The following ABCC3 variants were observed in gnomAD, a reference collection of about 807,000 sequenced individuals.
ABCC3 encodes the protein ATP binding cassette subfamily C member 3.
In ABCC3, 121 loss-of-function variants were observed where a neutral mutation model predicts 165.3. That is an observed-to-expected ratio of 0.73 (90% CI 0.63 to 0.85). The LOEUF is 0.85. Among genes scored for constraint, ABCC3 ranks in the 40% least tolerant of loss-of-function variants. ABCC3 has a pLI of 0.00. For missense variants in ABCC3, 1,869 were observed against 1,964.1 expected (o/e 0.95, Z 0.92); for synonymous variants, 733 against 810.1 (o/e 0.90, Z 1.62).
intron 23 of ABCC3, among the ~76,000 whole-genome samples, chr17:50,677,180 C>G (rs1438036374): frequency 6.6e-6 from 1 of 152,226 alleles, no homozygotes; most frequent in African/African-American, 2.4e-5. Context: ...CCATACCCGG[C>G]CTTCCTGTTG....
chr17:50,679,549 T>G, intron 25 of ABCC3: 1 of 367,248 alleles, frequency 2.7e-6, no homozygotes, highest in Non-Finnish European at 5.0e-6. Flanking sequence ...CTTATACATA[T>G]TAAAGTTGGA....
At chr17:50,653,305 C>A (rs1357405352) in intron 1 of ABCC3, among the ~76,000 whole-genome samples, 1 of 133,876 alleles carries the variant, frequency 7.5e-6, no homozygotes, top group South Asian at 2.3e-4. Flanking sequence ...GAGATCACGC[C>A]ATTACACTCC....
At chr17:50,658,310 G>GTTCCT in intron 5 of ABCC3, 103 bp downstream of exon 5, 1 of 1,590,108 alleles carries the variant, frequency 6.3e-7, no homozygotes, top group Non-Finnish European at 8.6e-7. Context: ...GTGGGAGAGA[G>GTTCCT]GTCATCCCCA....
chr17:50,655,422 C>CAAAAAAA, intron 1 of ABCC3, among the ~76,000 whole-genome samples: 1 of 113,920 alleles, frequency 8.8e-6, no homozygotes. Flanking sequence ...AAAAAAAAAA[C>CAAAAAAA]AAAAACAAAA....
At chr17:50,663,292 T>G in intron 8 of ABCC3, 1 of 222,134 alleles carries the variant, frequency 4.5e-6, no homozygotes, top group Non-Finnish European at 9.0e-6. Context: ...GCGGCAAGAG[T>G]CTTTGTGGTC....
intron 1 of ABCC3, among the ~76,000 whole-genome samples, chr17:50,654,293 C>G (rs1218981824): frequency 6.6e-6 from 1 of 152,150 alleles, no homozygotes; most frequent in African/African-American, 2.4e-5. Flanking sequence ...TAAAAAACAT[C>G]TAATGCTTTG....
intron 21 of ABCC3, 47 bp downstream of exon 21, chr17:50,675,822 C>A: frequency 1.3e-6 from 2 of 1,597,014 alleles, no homozygotes; most frequent in Non-Finnish European, 1.7e-6. Flanking sequence ...ACAGGCAGGC[C>A]CCAGCAGCCC....
chr17:50,655,958 C>T lies in ABCC3; in HGVS notation c.172C>T (p.His58Tyr). The change falls in exon 2 of 31, where the codon CAC becomes TAC. Residue 58 changes from histidine (H) to tyrosine (Y), a missense_variant. By Grantham distance (83) the His-to-Tyr change is moderately conservative. Coordinates refer to ENST00000285238, the MANE Select transcript of ABCC3 (RefSeq NM_003786.4). ...GCCCTGCTACTTGCTCTACCTGCGG[C>T]ACCATTGTCGTGGCTACATCATCCT... ...ALPCYLLYLR[H>Y]HCRGYIILSH... 6.2e-7 allele frequency: 1 copy of T among 1,614,178 alleles called. No homozygotes were observed. Among genetic ancestry groups the T allele is most frequent in the Non-Finnish European group, 8.5e-7 (1 of 1,180,028 alleles).
At chr17:50,689,726 C>A (rs546168614) in intron 30 of ABCC3, among the ~76,000 whole-genome samples, 5 of 152,126 alleles carry the variant, frequency 3.3e-5, no homozygotes, top group Non-Finnish European at 4.4e-5. Flanking sequence ...CCTCACCCCC[C>A]ACTCCCATTT....
At chr17:50,667,182 C>T (rs1967541871) in intron 11 of ABCC3, among the ~76,000 whole-genome samples, 1 of 152,100 alleles carries the variant, frequency 6.6e-6, no homozygotes, top group Non-Finnish European at 1.5e-5. Context: ...GATTGTACCA[C>T]TGCAGTCCAG....
Position 50,656,920 on chromosome 17 carries a change from G to C in ABCC3, c.348+93G>C. 5 of 1,549,464 alleles carry C rather than the reference G, an allele frequency of 3.2e-6. No individual in the cohort carries two copies. The South Asian group carries it at 6.3e-5, about 19-fold the overall frequency. ...ACTGTGGGCTCTGAGGAGAGGGCTG[G>C]ACATATTGGGAATGGGAAGAAGAAG... On this transcript the variant is annotated intron_variant, in intron 3 of 30. Coordinates refer to ENST00000285238, the MANE Select transcript of ABCC3 (RefSeq NM_003786.4).
rs145403824 is a variant in ABCC3, at chr17:50,657,570, T to C, written c.486+387T>C. Among the ~76,000 whole-genome samples, 923 of 152,312 alleles carry C rather than the reference T, an allele frequency of 6.1e-3. 10 individuals are homozygous for C. Among genetic ancestry groups the C allele is most frequent in the Non-Finnish European group, 0.01 (696 of 68,030 alleles). ...CATGTTCCCTTCCTTTCTTCCCACC[T>C]CCCTCAGTTCCTGGCCTTCCTCTTG... On this transcript the variant is annotated intron_variant, in intron 4 of 30. Transcript: ENST00000285238.
intron 1 of ABCC3, among the ~76,000 whole-genome samples, chr17:50,636,404 T>C (rs1256409085): frequency 6.6e-6 from 1 of 151,972 alleles, no homozygotes. Flanking sequence ...TATTTGGGAT[T>C]CTCTCTTTTT....
chr17:50,675,656 G>A lies in ABCC3; in HGVS notation c.2740G>A (p.Gly914Arg). 5 of 1,572,926 alleles carry A rather than the reference G, an allele frequency of 3.2e-6. No homozygotes were observed. Among genetic ancestry groups the A allele is most frequent in the Non-Finnish European group, 4.3e-6 (5 of 1,159,160 alleles). The change falls in exon 21 of 31, where the codon GGG (glycine) becomes AGG (arginine). Residue 914 changes from glycine to arginine, a missense_variant. Physicochemically the swap from Gly to Arg is moderately radical, Grantham distance 125. Transcript: ENST00000285238. Reference protein sequence around the residue: ...MRQLSALSSDGEGQGRPVPRR... With the variant: ...MRQLSALSSDREGQGRPVPRR... ...ACAGCTGAGTGCCCTGTCCTCAGAT[G>A]GGGAGGGACAGGGTCGGCCTGTACC...
intron 19 of ABCC3, among the ~76,000 whole-genome samples, chr17:50,673,918 T>C (rs949834024): frequency 1.5e-4 from 2 of 13,632 alleles, no homozygotes; most frequent in Admixed American, 8.5e-4. Flanking sequence ...CTTTCTTTCT[T>C]TCTTTCTTTC....
intron 1 of ABCC3, chr17:50,635,542 G>A (rs2054171771): frequency 1.4e-6 from 1 of 702,612 alleles, no homozygotes; most frequent in African/African-American, 1.7e-5. Flanking sequence ...AGGTCTGAGA[G>A]CAGGCCATCC....
Position 50,687,553 on chromosome 17 carries a change from T to C in ABCC3, c.4298T>C (p.Leu1433Pro). Residue 1433 changes from leucine (L) to proline (P), a missense_variant, in exon 30 of 31, where the codon CTC becomes CCC. Physicochemically the swap from Leu to Pro is moderately conservative, Grantham distance 98. Transcript: ENST00000285238. ...ACTCCCAGCGTGGGCCAGAGGCAGCTCGTGTGCCTGGCCCGAGCCCTGCTC... is the reference window on the plus strand; with the variant it reads ...ACTCCCAGCGTGGGCCAGAGGCAGCCCGTGTGCCTGGCCCGAGCCCTGCTC... ...GENLSVGQRQ[L>P]VCLARALLRK... is the part of the protein sequence containing the mutation. The C allele has an allele frequency of 6.2e-7, 1 of 1,613,642 alleles. No homozygotes were observed. The highest frequency in any genetic ancestry group is 1.1e-5 in the South Asian group (1 of 91,080).
chr17:50,684,887 G>C lies in ABCC3; in HGVS notation c.4280+12G>C, dbSNP rs1203571046. ...GGGGAGAATCTCAGGTAAACACTGG[G>C]AGTGCAGAGGTCAGGAACTGCAACC... On this transcript the variant is annotated intron_variant, in intron 29 of 30. Transcript: ENST00000285238. 1.9e-6 allele frequency: 3 copies of C among 1,612,516 alleles called. No homozygotes were observed. The highest frequency in any genetic ancestry group is 2.7e-5 in the African/African-American group (2 of 74,900).
chr17:50,659,240 G>A lies in ABCC3; in HGVS notation c.678G>A (p.Met226Ile), dbSNP rs1469029275. ...SRLFFWWFTK[M>I]AIYGYRHPLE... ...GCCGGGCTTCACCTCCCCCCAGGAT[G>A]GCCATCTATGGCTACCGGCATCCCC... Residue 226 changes from methionine (M) to isoleucine (I), a missense_variant, in exon 7 of 31, where the codon ATG (methionine) becomes ATA (isoleucine). Coordinates refer to ENST00000285238, the MANE Select transcript of ABCC3 (RefSeq NM_003786.4). 6 of 1,613,604 alleles carry A rather than the reference G, an allele frequency of 3.7e-6. No homozygotes were observed. The highest frequency in any genetic ancestry group is 2.2e-5 in the South Asian group (2 of 91,054).
Sources: gnomAD v4.1 joint callset for allele counts (sites outside exome capture counted in the v4.1 genomes callset) on GRCh38, gnomAD v4.1.1 for gene constraint, MANE v1.5 for transcripts, NCBI Gene and HGNC (gene_info 2026-07-23, HGNC 2026-07-21) for gene names.